The following BCAR3 variants were observed in gnomAD, a reference collection of about 807,000 sequenced individuals.
BCAR3 encodes the protein breast cancer anti-estrogen resistance protein 3.
In BCAR3, 37 loss-of-function variants were observed where a neutral mutation model predicts 80.1. That is an observed-to-expected ratio of 0.46 (90% CI 0.36 to 0.61). The LOEUF (loss-of-function observed/expected upper bound fraction) is 0.61. BCAR3 is among the 20% of genes least tolerant of loss of function. The pLI is 0.00. For synonymous variants in BCAR3, 389 were observed against 418.9 expected (o/e 0.93, Z 0.87); for missense variants, 978 against 1,068.2 (o/e 0.92, Z 1.18).
intron 3 of BCAR3, among the ~76,000 whole-genome samples, chr1:93,601,108 C>A (rs939829574): frequency 1.3e-5 from 2 of 152,194 alleles, no homozygotes; most frequent in African/African-American, 4.8e-5. Context: ...TCCCACCTTA[C>A]AGGACTATAG....
At chr1:93,667,284 T>A (rs1255371660) in intron 2 of BCAR3, among the ~76,000 whole-genome samples, 1 of 152,224 alleles carries the variant, frequency 6.6e-6, no homozygotes, top group Admixed American at 6.5e-5. Context: ...GGAGCAGGCA[T>A]GGGACCTGCT....
chr1:93,702,860 T>C (rs1649695545), intron 3 of BCAR3, among the ~76,000 whole-genome samples: 2 of 152,180 alleles, frequency 1.3e-5, no homozygotes, highest in Admixed American at 1.3e-4. Flanking sequence ...TTAGGAAAAC[T>C]CATGTTTTCA....
At chr1:93,655,347 T>G (rs1480118544) in intron 2 of BCAR3, among the ~76,000 whole-genome samples, 1 of 152,164 alleles carries the variant, frequency 6.6e-6, no homozygotes, top group African/African-American at 2.4e-5. Context: ...GTTGGCATCA[T>G]CTGGATGAGA....
At chr1:93,741,411 T>C (rs143550675) in intron 2 of BCAR3, among the ~76,000 whole-genome samples, 11 of 152,304 alleles carry the variant, frequency 7.2e-5, no homozygotes, top group African/African-American at 2.4e-4. Flanking sequence ...GAAATTACTC[T>C]CTGTGCCCGG....
intron 3 of BCAR3, among the ~76,000 whole-genome samples, chr1:93,595,344 A>G (rs1043554134): frequency 6.6e-5 from 10 of 152,094 alleles, no homozygotes; most frequent in Non-Finnish European, 1.3e-4. Context: ...AGAGGAAAGG[A>G]GGGAGAGAGG....
At chr1:93,685,741 C>T (rs1329455871), upstream of BCAR3, among the ~76,000 whole-genome samples, 103 of 152,050 alleles carry the variant, frequency 6.8e-4, 1 homozygote, top group Admixed American at 6.4e-3. Context: ...ATTTCTACTC[C>T]CCAGCAATGT....
intron 2 of BCAR3, among the ~76,000 whole-genome samples, chr1:93,731,275 C>T (rs905923972): frequency 1.1e-4 from 17 of 152,204 alleles, no homozygotes; most frequent in Non-Finnish European, 2.4e-4. Flanking sequence ...GTGGACTTTA[C>T]TTACTAGTAT....
At chr1:93,637,195 A>G (rs899500249) in intron 3 of BCAR3, among the ~76,000 whole-genome samples, 1 of 151,574 alleles carries the variant, frequency 6.6e-6, no homozygotes, top group Non-Finnish European at 1.5e-5. Flanking sequence ...TTTTGAGACG[A>G]GTCTTGCTCT....
intron 2 of BCAR3, among the ~76,000 whole-genome samples, chr1:93,789,482 C>T (rs960125545): frequency 1.3e-5 from 2 of 152,140 alleles, no homozygotes; most frequent in Admixed American, 6.5e-5. Context: ...TCCACATCCA[C>T]AAAAATTGTA....
At chr1:93,659,607 T>C (rs1647557385) in intron 2 of BCAR3, among the ~76,000 whole-genome samples, 1 of 152,050 alleles carries the variant, frequency 6.6e-6, no homozygotes, top group Non-Finnish European at 1.5e-5. Context: ...TAATGTTCTA[T>C]TAGATAAGGT....
chr1:93,798,237 C>T (rs937878707), intron 2 of BCAR3, among the ~76,000 whole-genome samples: 5 of 152,186 alleles, frequency 3.3e-5, no homozygotes, highest in Non-Finnish European at 7.4e-5. Flanking sequence ...GGGGGAAAAG[C>T]ATTCTCCCTT....
intron 2 of BCAR3, among the ~76,000 whole-genome samples, chr1:93,797,098 C>T (rs770686614): frequency 6.6e-6 from 1 of 152,150 alleles, no homozygotes; most frequent in Non-Finnish European, 1.5e-5. Flanking sequence ...AACGACTGGC[C>T]ACGTTTTAGA....
chr1:93,774,286 C>A (rs962021913), intron 2 of BCAR3, among the ~76,000 whole-genome samples: 2 of 152,014 alleles, frequency 1.3e-5, no homozygotes, highest in African/African-American at 4.8e-5. Flanking sequence ...GAGATCGAGA[C>A]CATCCTGGTC....
chr1:93,606,333 C>A (rs1292330513), intron 3 of BCAR3, among the ~76,000 whole-genome samples: 1 of 152,286 alleles, frequency 6.6e-6, no homozygotes, highest in East Asian at 1.9e-4. Context: ...ATACAGCATT[C>A]CTGTGGGCTA....
chr1:93,709,782 C>T (rs1421651282), intron 2 of BCAR3, among the ~76,000 whole-genome samples: 1 of 152,182 alleles, frequency 6.6e-6, no homozygotes, highest in Non-Finnish European at 1.5e-5. Context: ...AAGTCTTTAT[C>T]TGATCAACTC....
At chr1:93,633,440 G>A (rs1394885556) in intron 3 of BCAR3, among the ~76,000 whole-genome samples, 1 of 152,146 alleles carries the variant, frequency 6.6e-6, no homozygotes, top group Admixed American at 6.6e-5. Flanking sequence ...GGTCTGACCT[G>A]ACTGAACAAT....
intron 2 of BCAR3, among the ~76,000 whole-genome samples, chr1:93,778,665 G>A (rs1652658154): frequency 6.6e-6 from 1 of 152,106 alleles, no homozygotes; most frequent in Non-Finnish European, 1.5e-5. Flanking sequence ...CCAGCCACCT[G>A]CCAGTTCTGG....
chr1:93,812,700 T>G (rs1187499252), intron 2 of BCAR3, among the ~76,000 whole-genome samples: 1 of 152,226 alleles, frequency 6.6e-6, no homozygotes, highest in Non-Finnish European at 1.5e-5. Flanking sequence ...TGATTGTGAC[T>G]CTCACATGTT....
At chr1:93,573,630 A>T (rs866067784) in intron 8 of BCAR3, among the ~76,000 whole-genome samples, 20,463 of 134,734 alleles carry the variant, frequency 0.15, 1,968 homozygotes, top group African/African-American at 0.19. Flanking sequence ...TATTATTATT[A>T]TTATTTTTTT....
Sources: allele counts gnomAD v4.1 joint callset (sites outside exome capture counted in the v4.1 genomes callset), GRCh38; gene constraint gnomAD v4.1.1; transcripts MANE v1.5; gene names NCBI Gene and HGNC (gene_info 2026-07-23, HGNC 2026-07-21).